The following KLHL2 variants were observed in gnomAD, a reference collection of about 807,000 sequenced individuals.
KLHL2 encodes kelch like family member 2.
KLHL2 carries 15 observed loss-of-function variants against 75.8 expected under a neutral mutation model. The ratio of observed to expected loss-of-function variants is 0.20; its 90% CI spans 0.13 to 0.30. The LOEUF is 0.30. Ranked by LOEUF, KLHL2 falls within the 10% of genes least tolerant of loss-of-function variation. The pLI is 1.00. For synonymous variants in KLHL2, 214 were observed against 251.9 expected (o/e 0.85, Z 1.42); for missense variants, 381 against 741.0 (o/e 0.51, Z 5.64).
intron 4 of KLHL2, among the ~76,000 whole-genome samples, chr4:165,254,945 GA>G (rs928044357): frequency 1.4e-4 from 21 of 152,310 alleles, no homozygotes; most frequent in Admixed American, 1.2e-3. Flanking sequence ...TTCAATCCAA[GA>G]AAAAAAGCGC....
chr4:165,316,974 C>T (rs1382080265), intron 13 of KLHL2, among the ~76,000 whole-genome samples: 1 of 151,844 alleles, frequency 6.6e-6, no homozygotes, highest in Non-Finnish European at 1.5e-5. Flanking sequence ...TTTTAATGGT[C>T]ATTATTCTAA....
chr4:165,310,250 G>A (rs1232882087), intron 9 of KLHL2, among the ~76,000 whole-genome samples: 1 of 152,156 alleles, frequency 6.6e-6, no homozygotes, highest in Non-Finnish European at 1.5e-5. Context: ...GTGTGAACAC[G>A]GGAGGCTGAG....
intron 4 of KLHL2, among the ~76,000 whole-genome samples, chr4:165,255,313 C>A (rs1213801438): frequency 6.6e-6 from 1 of 152,042 alleles, no homozygotes; most frequent in Non-Finnish European, 1.5e-5. Context: ...TGTTAAAAAC[C>A]CCTAGAAGGG....
At chr4:165,263,077 A>G (rs1248982774) in intron 4 of KLHL2, 120 bp from the exon 5 acceptor site, 8 of 700,302 alleles carry the variant, frequency 1.1e-5, no homozygotes, top group Non-Finnish European at 1.9e-5. Flanking sequence ...TCTAGGGAAT[A>G]TGGGGGTATG....
intron 4 of KLHL2, among the ~76,000 whole-genome samples, chr4:165,257,532 A>G (rs959987298): frequency 1.3e-5 from 2 of 152,156 alleles, no homozygotes; most frequent in African/African-American, 2.4e-5. Flanking sequence ...CTGTTACGTT[A>G]CATCTTCAGA....
intron 8 of KLHL2, among the ~76,000 whole-genome samples, chr4:165,301,771 C>T (rs1745367015): frequency 6.6e-6 from 1 of 152,100 alleles, no homozygotes; most frequent in African/African-American, 2.4e-5. Flanking sequence ...TTAAATACTT[C>T]ATATTTGTAA....
chr4:165,286,800 A>G (rs1312021957), intron 5 of KLHL2, among the ~76,000 whole-genome samples: 2 of 152,178 alleles, frequency 1.3e-5, no homozygotes, highest in African/African-American at 4.8e-5. Flanking sequence ...TAACCCAGTG[A>G]TCTTTCTTTT....
chr4:165,210,257 T>G, intron 1 of KLHL2: 1 of 1,376,142 alleles, frequency 7.3e-7, no homozygotes, highest in Non-Finnish European at 1.0e-6. Flanking sequence ...TGCGTGGTGC[T>G]TTTGCTTGTG....
chr4:165,300,698 G>A (rs553326525), intron 8 of KLHL2, among the ~76,000 whole-genome samples: 174 of 152,188 alleles, frequency 1.1e-3, no homozygotes, highest in South Asian at 1.9e-3. Context: ...CATTTTGTGC[G>A]TGGTCTAATC....
intron 4 of KLHL2, among the ~76,000 whole-genome samples, chr4:165,250,193 T>TA (rs753547478): frequency 9.8e-5 from 15 of 152,330 alleles, no homozygotes; most frequent in Admixed American, 4.6e-4. Flanking sequence ...TGAGCTTTGT[T>TA]ACAGTCATAT....
rs1050606114 is a variant in KLHL2 at position 165,296,566 on chromosome 4, G to A, written c.655-1043G>A. Among the ~76,000 whole-genome samples, 12 of 152,270 alleles carry A rather than the reference G, an allele frequency of 7.9e-5. No homozygotes were observed. In the East Asian group the frequency reaches 1.9e-3, roughly 24 times the overall value. ...ATCTGGGAGATGTGGTTTATTAGGA[G>A]GCTATCTTTGGAGACTAGCTATCTG... On this transcript the variant is annotated intron_variant, in intron 6 of 14. Coordinates refer to ENST00000226725, the MANE Select transcript of KLHL2 (RefSeq NM_007246.4).
At position 165,294,502 on chromosome 4, in the gene KLHL2, A is replaced by G. The variant is rs779301512; in HGVS notation, c.654+34A>G. 9 of 1,127,246 alleles carry G rather than the reference A, an allele frequency of 8.0e-6. No individual in the cohort carries two copies. The South Asian group carries it at 1.2e-4, about 16-fold the overall frequency. 69.8% of individuals were successfully genotyped at this position (1,127,246 alleles called of 1,614,324 possible). A position where few individuals can be genotyped will look rare whatever the true frequency, so the allele number is the denominator to read the frequency against. On this transcript the variant is annotated intron_variant, in intron 6 of 14. Coordinates refer to ENST00000226725, the MANE Select transcript of KLHL2 (RefSeq NM_007246.4). Reference sequence around the variant, plus strand: ...ATTTTTCTTTTCCCAGTGTGCAATGATGTTTCCCTTTTTTTTTTTTTAATT... The same window carrying G: ...ATTTTTCTTTTCCCAGTGTGCAATGGTGTTTCCCTTTTTTTTTTTTTAATT...
chr4:165,257,960 G>T (rs1741317881), intron 4 of KLHL2, among the ~76,000 whole-genome samples: 1 of 151,994 alleles, frequency 6.6e-6, no homozygotes, highest in African/African-American at 2.4e-5. Context: ...TGAGCCCATG[G>T]TGAGAACACC....
intron 5 of KLHL2, chr4:165,278,418 C>T (rs1204526314): frequency 7.1e-7 from 1 of 1,415,380 alleles, no homozygotes; most frequent in African/African-American, 1.4e-5. Flanking sequence ...CGATTCATGG[C>T]ATCCAAAATC....
chr4:165,294,286 C>A, intron 5 of KLHL2, 73 bp from the exon 6 acceptor site: 1 of 848,942 alleles, frequency 1.2e-6, no homozygotes, highest in Non-Finnish European at 1.9e-6. Flanking sequence ...TAAGAAAAAC[C>A]TTTTTTAAGC....
At chr4:165,244,870 G>T (rs1471737226) in intron 4 of KLHL2, among the ~76,000 whole-genome samples, 6 of 152,170 alleles carry the variant, frequency 3.9e-5, no homozygotes, top group African/African-American at 7.2e-5. Flanking sequence ...GTTTGTGTTT[G>T]TGTGTGTGTT....
intron 1 of KLHL2, among the ~76,000 whole-genome samples, chr4:165,218,416 C>T (rs183328366): frequency 6.6e-6 from 1 of 152,234 alleles, no homozygotes. Flanking sequence ...TACTTCCATC[C>T]GGATGTTCCC....
At chr4:165,258,206 A>G (rs1014444324) in intron 4 of KLHL2, among the ~76,000 whole-genome samples, 65 of 152,194 alleles carry the variant, frequency 4.3e-4, no homozygotes, top group Admixed American at 3.3e-4. Context: ...AATCACTCTT[A>G]GATTCTTAGA....
At chr4:165,273,873 A>C (rs910896989) in intron 5 of KLHL2, among the ~76,000 whole-genome samples, 49 of 152,348 alleles carry the variant, frequency 3.2e-4, no homozygotes, top group Admixed American at 3.0e-3. Flanking sequence ...TAAGGAGTCC[A>C]TGCAGTAAGA....
Sources: gnomAD v4.1 joint callset for allele counts (sites outside exome capture counted in the v4.1 genomes callset) on GRCh38, gnomAD v4.1.1 for gene constraint, MANE v1.5 for transcripts, NCBI Gene and HGNC (gene_info 2026-07-23, HGNC 2026-07-21) for gene names.